Variants in PPM1H observed in about 807,000 individuals in gnomAD.
PPM1H encodes the protein protein phosphatase, Mg2+/Mn2+ dependent 1H.
Under a neutral mutation model 54.9 loss-of-function variants are expected in PPM1H, and 27 were observed. The observed-to-expected ratio is 0.49, with a 90% CI of 0.36 to 0.68. PPM1H has a LOEUF of 0.68. PPM1H is among the 30% of genes least tolerant of loss of function. PPM1H has a pLI of 0.00. For synonymous variants in PPM1H, 305 were observed against 270.8 expected, an observed-to-expected ratio of 1.13 and a Z score of -1.24; for missense variants, 596 against 667.8, an observed-to-expected ratio of 0.89 and a Z score of 1.19.
In PPM1H at chr12:62,788,215, C is replaced by T. The variant is rs1324557847; in HGVS notation, c.869+11G>A. On this transcript the variant is annotated intron_variant, in intron 4 of 9. Transcript: ENST00000228705. ...AGAAATTAGCAAGAATCAGACAGCT[C>T]ATCTGCTTACCTGCTATCCCCAGCA... The T allele has an allele frequency of 1.3e-6, 2 of 1,521,364 alleles. No homozygotes were observed. The allele number at this position is 1,521,364 out of a possible 1,614,324, so 94.2% of individuals were successfully genotyped here.
chr12:62,734,048 C>A (rs1844775620), intron 5 of PPM1H, among the ~76,000 whole-genome samples: 1 of 151,604 alleles, frequency 6.6e-6, no homozygotes, highest in Non-Finnish European at 1.5e-5. Context: ...GTGATTAGGT[C>A]ATGAGGGTAG....
chr12:62,830,813 C>A (rs1445220593), intron 2 of PPM1H, among the ~76,000 whole-genome samples: 1 of 152,190 alleles, frequency 6.6e-6, no homozygotes, highest in Admixed American at 6.5e-5. Context: ...TAAATCAATA[C>A]TTATCAATCC....
At chr12:62,826,548 T>G (rs1284962224) in intron 2 of PPM1H, among the ~76,000 whole-genome samples, 1 of 152,246 alleles carries the variant, frequency 6.6e-6, no homozygotes, top group African/African-American at 2.4e-5. Flanking sequence ...AAATCCTCTG[T>G]ACATCACTGA....
chr12:62,658,553 C>T (rs903234738), intron 9 of PPM1H, among the ~76,000 whole-genome samples: 2 of 152,060 alleles, frequency 1.3e-5, no homozygotes, highest in African/African-American at 4.8e-5. Context: ...AAACCCTTTC[C>T]AGGTTTGAGT....
chr12:62,723,415 T>C (rs1022086086), intron 5 of PPM1H, among the ~76,000 whole-genome samples: 1 of 152,116 alleles, frequency 6.6e-6, no homozygotes, highest in African/African-American at 2.4e-5. Flanking sequence ...TGTTATGGTC[T>C]GAATGTGTCT....
chr12:62,801,301 C>A (rs2076767647), intron 3 of PPM1H, among the ~76,000 whole-genome samples: 1 of 151,404 alleles, frequency 6.6e-6, no homozygotes, highest in Non-Finnish European at 1.5e-5. Context: ...CATGCACTGT[C>A]CCCCTCTTTC....
chr12:62,846,735 AC>A (rs1205122393), intron 1 of PPM1H, among the ~76,000 whole-genome samples: 1 of 152,052 alleles, frequency 6.6e-6, no homozygotes, highest in East Asian at 1.9e-4. Context: ...TGTCTGACAA[AC>A]ATCCCTTGTC....
chr12:62,706,721 G>A (rs571291558), intron 6 of PPM1H, among the ~76,000 whole-genome samples: 7 of 152,260 alleles, frequency 4.6e-5, no homozygotes, highest in Admixed American at 2.0e-4. Context: ...TCTTAACCAC[G>A]CTTCTCTGTG....
At chr12:62,925,441 G>A (rs1871944343) in intron 1 of PPM1H, among the ~76,000 whole-genome samples, 1 of 152,194 alleles carries the variant, frequency 6.6e-6, no homozygotes, top group African/African-American at 2.4e-5. Context: ...AGCCAGGCGT[G>A]GTGGCATGTG....
chr12:62,780,795 G>T (rs533685147), intron 4 of PPM1H, among the ~76,000 whole-genome samples: 5 of 151,802 alleles, frequency 3.3e-5, no homozygotes, highest in Admixed American at 6.6e-5. Flanking sequence ...GTGTGGGCTC[G>T]AGTGGGCAAA....
intron 8 of PPM1H, among the ~76,000 whole-genome samples, chr12:62,674,561 A>G (rs1375338626): frequency 6.6e-6 from 1 of 152,244 alleles, no homozygotes; most frequent in African/African-American, 2.4e-5. Context: ...TCTCTGTAGT[A>G]GTCTATCTAC....
At chr12:62,818,881 T>C (rs1229656492) in intron 2 of PPM1H, among the ~76,000 whole-genome samples, 2 of 144,024 alleles carry the variant, frequency 1.4e-5, no homozygotes, top group East Asian at 2.1e-4. Context: ...AGTGCAGTGG[T>C]GTGATCTTGG....
Position 62,903,245 on chromosome 12 carries a change from A to G in PPM1H, c.245+31247T>C, listed in dbSNP as rs1288184840. On this transcript the variant is annotated intron_variant, in intron 1 of 9. Transcript: ENST00000228705. Reference sequence around the variant, plus strand: ...TGCCTCCATCCACATCAAGTCTGAAAGCTTCTTTAATGCTTTTAAGATTAA... The same window carrying G: ...TGCCTCCATCCACATCAAGTCTGAAGGCTTCTTTAATGCTTTTAAGATTAA... 1.3e-5 allele frequency among the ~76,000 whole-genome samples: 2 copies of G among 152,202 alleles called. 1 individual carries two copies. Among genetic ancestry groups the G allele is most frequent in the African/African-American group, 4.8e-5 (2 of 41,446 alleles).
chr12:62,860,329 T>C (rs1038411657), intron 1 of PPM1H, among the ~76,000 whole-genome samples: 14 of 152,112 alleles, frequency 9.2e-5, no homozygotes, highest in African/African-American at 3.4e-4. Flanking sequence ...TTATAGGAAC[T>C]ACAATTCAAG....
intron 1 of PPM1H, among the ~76,000 whole-genome samples, chr12:62,847,294 A>G (rs2120918721): frequency 6.6e-6 from 1 of 152,336 alleles, no homozygotes; most frequent in Admixed American, 6.5e-5. Context: ...ATATCTGGGT[A>G]ACCCCAATAT....
At chr12:62,779,001 AAAAG>A (rs1389563385) in intron 4 of PPM1H, among the ~76,000 whole-genome samples, 2 of 151,902 alleles carry the variant, frequency 1.3e-5, no homozygotes, top group African/African-American at 2.4e-5. Flanking sequence ...GGAAGAAAGA[AAAAG>A]AAAGAAAGAC....
At chr12:62,670,121 GCA>G (rs1565751104) in intron 8 of PPM1H, among the ~76,000 whole-genome samples, 8 of 151,598 alleles carry the variant, frequency 5.3e-5, no homozygotes, top group Admixed American at 3.3e-4. Flanking sequence ...GGGATTACAG[GCA>G]TGTGCCACCA....
intron 1 of PPM1H, among the ~76,000 whole-genome samples, chr12:62,849,438 A>G (rs1869097547): frequency 6.6e-6 from 1 of 152,220 alleles, no homozygotes. Context: ...TCAGATAGCC[A>G]TTGGGTGGTA....
At chr12:62,921,017 C>T (rs1256594987) in intron 1 of PPM1H, among the ~76,000 whole-genome samples, 2 of 152,076 alleles carry the variant, frequency 1.3e-5, no homozygotes, top group East Asian at 1.9e-4. Flanking sequence ...CTCCACTTCC[C>T]GGGTTCAAGC....
Sources: gnomAD v4.1 joint callset for allele counts (sites outside exome capture counted in the v4.1 genomes callset) on GRCh38, gnomAD v4.1.1 for gene constraint, MANE v1.5 for transcripts, NCBI Gene and HGNC (gene_info 2026-07-23, HGNC 2026-07-21) for gene names.